XPO1: variants seen among roughly 807,000 people sequenced by gnomAD.
XPO1 encodes exportin 1.
A neutral mutation model predicts 133.3 loss-of-function variants in XPO1; 5 were observed. The observed-to-expected ratio is 0.04, with a 90% CI of 0.02 to 0.08. XPO1 has a LOEUF of 0.08. Among genes scored for constraint, XPO1 ranks in the 10% least tolerant of loss-of-function variants. The pLI, the probability that XPO1 is intolerant of heterozygous loss-of-function variation, is 1.00. For synonymous variants in XPO1, 419 were observed against 408.2 expected (o/e 1.03, Z -0.32); for missense variants, 506 against 1,267.5 (o/e 0.40, Z 9.12).
chr2:61,522,337 G>A (rs6707830), intron 4 of XPO1, among the ~76,000 whole-genome samples: 88,713 of 151,900 alleles, frequency 0.58, 26,039 homozygotes, highest in Middle Eastern at 0.69. Flanking sequence ...GATTACAGGC[G>A]TGGGCCACTG....
Position 61,514,806 on chromosome 2 carries a change from G to A in XPO1, c.301+7805C>T, listed in dbSNP as rs1357178774. ...AACATCCATATGGGCTGGGCGCAGT[G>A]GCTTATGAGTATAATCTCAGCACTG... is the stretch of plus-strand genomic sequence containing the variant. On this transcript the variant is annotated intron_variant, in intron 4 of 24. Transcript: ENST00000401558. 2.6e-5 allele frequency among the ~76,000 whole-genome samples: 4 copies of A among 152,048 alleles called. No homozygotes were observed. In the Middle Eastern group the frequency reaches 0.01, roughly 388 times the overall value.
chr2:61,514,683 T>C (rs994485068), intron 4 of XPO1, among the ~76,000 whole-genome samples: 71 of 151,820 alleles, frequency 4.7e-4, no homozygotes, highest in African/African-American at 1.6e-3. Context: ...ACATTGTCTA[T>C]ACCAAATGTC....
chr2:61,500,650 T>G (rs1697465247), intron 6 of XPO1, among the ~76,000 whole-genome samples: 1 of 143,496 alleles, frequency 7.0e-6, no homozygotes. Flanking sequence ...AATACAAAAA[T>G]TAGCCAGGGG....
intron 8 of XPO1, 25 bp downstream of exon 8, chr2:61,498,840 T>A (rs1325469687): frequency 1.2e-6 from 2 of 1,607,448 alleles, no homozygotes; most frequent in South Asian, 1.1e-5. Flanking sequence ...TTATTGTTTT[T>A]AAAAATGAAA....
At position 61,533,916 on chromosome 2, in the gene XPO1, A is replaced by G. The variant is rs756611607; in HGVS notation, c.-6-13T>C. On this transcript the variant is annotated splice_polypyrimidine_tract_variant and intron_variant, in intron 1 of 24. Coordinates refer to ENST00000401558, the MANE Select transcript of XPO1 (RefSeq NM_003400.4). ...CTGGCATAGATTACTGAAAATAAAG[A>G]AAAAAAATTGAAGCTGCCTATCAAG... 6.6e-7 allele frequency: 1 copy of G among 1,507,264 alleles called. No individual in the cohort carries two copies. The highest frequency in any genetic ancestry group is 8.9e-7 in the Non-Finnish European group (1 of 1,128,142). The allele number at this position is 1,507,264 out of a possible 1,614,324, so 93.4% of individuals were successfully genotyped here. A position where few individuals can be genotyped will look rare whatever the true frequency, so the allele number is the denominator to read the frequency against.
chr2:61,535,045 G>A (rs986321769), intron 1 of XPO1, among the ~76,000 whole-genome samples: 1 of 152,198 alleles, frequency 6.6e-6, no homozygotes, highest in Non-Finnish European at 1.5e-5. Context: ...ACAGAAAAAT[G>A]AGCTACTTCG....
chr2:61,522,558 TA>T, intron 4 of XPO1, 52 bp downstream of exon 4: 1 of 1,518,758 alleles, frequency 6.6e-7, no homozygotes, highest in Non-Finnish European at 9.1e-7. Flanking sequence ...TCAACTACAA[TA>T]AAAATGCCAG....
In XPO1 at chr2:61,537,909, A is replaced by G; in HGVS notation, c.-354T>C. The stretch of plus-strand genomic sequence containing the variant: ...TCAGCCCCAGGGGGACCCTCCAGCC[A>G]CAGGCAGCAGCAGAAGCGGCAGGAG... On this transcript the variant is annotated 5_prime_UTR_variant, in exon 1 of 25. Coordinates refer to ENST00000401558, the MANE Select transcript of XPO1 (RefSeq NM_003400.4). The G allele has an allele frequency of 6.3e-6, 1 of 158,304 alleles. No individual in the cohort carries two copies. Among genetic ancestry groups the G allele is most frequent in the Non-Finnish European group, 1.4e-5 (1 of 72,202 alleles). The allele number at this position is 158,304 out of a possible 1,614,324, so 9.8% of individuals were successfully genotyped here. A position where few individuals can be genotyped will look rare whatever the true frequency, so the allele number is the denominator to read the frequency against.
intron 16 of XPO1, 41 bp from the exon 17 acceptor site, chr2:61,490,817 C>T (rs1696942953): frequency 1.3e-6 from 2 of 1,591,488 alleles, no homozygotes; most frequent in East Asian, 4.5e-5. Flanking sequence ...ATGTTATACA[C>T]CCTAATAAGG....
intron 10 of XPO1, 89 bp downstream of exon 10, chr2:61,496,790 T>A (rs1444865471): frequency 7.8e-7 from 1 of 1,286,196 alleles, no homozygotes; most frequent in East Asian, 2.9e-5. Flanking sequence ...TTATCTTTGA[T>A]ACGTCGTTCT....
chr2:61,482,054 T>C lies in XPO1; in HGVS notation c.2972+326A>G, dbSNP rs1393125916. On this transcript the variant is annotated intron_variant, in intron 23 of 24. Coordinates refer to ENST00000401558, the MANE Select transcript of XPO1 (RefSeq NM_003400.4). ...GTGGCCTTTTTTTTTTTTTTTTTTT[T>C]TTTGCTTTTTTAAAGAGGCAGGGTC... 3.6e-3 allele frequency among the ~76,000 whole-genome samples: 83 copies of C among 22,768 alleles called. 2 individuals carry two copies. Among genetic ancestry groups the C allele is most frequent in the African/African-American group, 0.019 (76 of 4,084 alleles). 14.9% of individuals were successfully genotyped at this position (22,768 alleles called of 152,430 possible). A position where few individuals can be genotyped will look rare whatever the true frequency, so the allele number is the denominator to read the frequency against.
intron 4 of XPO1, among the ~76,000 whole-genome samples, chr2:61,519,640 A>C (rs1177429217): frequency 2.1e-5 from 3 of 142,690 alleles, no homozygotes; most frequent in African/African-American, 8.0e-5. Flanking sequence ...TGGAGCTTGC[A>C]GTGAGCCAAG....
Position 61,477,918 on chromosome 2 carries a change from G to A in XPO1, c.*902C>T. 1 of 218,870 alleles carries A rather than the reference G, an allele frequency of 4.6e-6. No individual in the cohort carries two copies. Among genetic ancestry groups the A allele is most frequent in the Non-Finnish European group, 9.2e-6 (1 of 108,780 alleles). The allele number at this position is 218,870 out of a possible 1,614,324, so 13.6% of individuals were successfully genotyped here. ...CTATCATTAATATAGGAATAAATGAGTCAATAAAGGAAAAATAAATGTAAA... is the reference window on the plus strand; with the variant it reads ...CTATCATTAATATAGGAATAAATGAATCAATAAAGGAAAAATAAATGTAAA... On this transcript the variant is annotated 3_prime_UTR_variant, in exon 25 of 25. Coordinates refer to ENST00000401558, the MANE Select transcript of XPO1 (RefSeq NM_003400.4).
chr2:61,485,998 TA>T (rs766440013), intron 19 of XPO1, 36 bp from the exon 20 acceptor site: 3 of 1,554,284 alleles, frequency 1.9e-6, no homozygotes, highest in Non-Finnish European at 2.6e-6. Flanking sequence ...TGTTTTAATT[TA>T]GGTACATGGT....
At chr2:61,486,612 C>T (rs1696709092) in intron 19 of XPO1, among the ~76,000 whole-genome samples, 3 of 152,058 alleles carry the variant, frequency 2.0e-5, no homozygotes, top group African/African-American at 4.8e-5. Flanking sequence ...CCTGCCACCA[C>T]GCCCAGCTAA....
chr2:61,533,165 C>T (rs1699232407), intron 2 of XPO1, among the ~76,000 whole-genome samples: 1 of 152,100 alleles, frequency 6.6e-6, no homozygotes, highest in Non-Finnish European at 1.5e-5. Flanking sequence ...GACCACAGAG[C>T]GAGACTGTCT....
In XPO1 at chr2:61,528,236, A is replaced by G. The variant is rs565171414; in HGVS notation, c.127-1715T>C. 1.4e-4 allele frequency among the ~76,000 whole-genome samples: 21 copies of G among 152,076 alleles called. No homozygotes were observed. The South Asian group carries it at 4.4e-3, about 32-fold the overall frequency. On this transcript the variant is annotated intron_variant, in intron 2 of 24. Transcript: ENST00000401558. ...CCTTCTTTAAAAAGTAATGGCTTTC[A>G]TCATGAACTTAGTGTGTCTTTTCCT...
chr2:61,498,468 A>C (rs1006255775), intron 9 of XPO1, among the ~76,000 whole-genome samples: 1 of 152,254 alleles, frequency 6.6e-6, no homozygotes, highest in South Asian at 2.1e-4. Flanking sequence ...AATTCATAAA[A>C]TTACATGGTC....
intron 6 of XPO1, among the ~76,000 whole-genome samples, chr2:61,500,359 T>C (rs996163317): frequency 2.6e-5 from 4 of 151,578 alleles, no homozygotes; most frequent in African/African-American, 9.7e-5. Flanking sequence ...GGTAGGAGGA[T>C]CACGAGGTCA....
Sources: gnomAD v4.1 joint callset for allele counts (sites outside exome capture counted in the v4.1 genomes callset) on GRCh38, gnomAD v4.1.1 for gene constraint, MANE v1.5 for transcripts, NCBI Gene and HGNC (gene_info 2026-07-23, HGNC 2026-07-21) for gene names.